Variants in TTC23L observed in about 807,000 individuals in gnomAD.
The protein encoded by TTC23L is tetratricopeptide repeat domain 23 like.
A neutral mutation model predicts 48.1 loss-of-function variants in TTC23L; 42 were observed. The ratio of observed to expected loss-of-function variants is 0.87; its 90% CI spans 0.68 to 1.13. TTC23L has a LOEUF of 1.13. Among genes scored for constraint, TTC23L ranks in the 50% most tolerant of loss-of-function variants. The probability of loss-of-function intolerance (pLI) is 0.00; values close to 1 mark genes in which losing one functional copy is unlikely to be tolerated. For synonymous variants in TTC23L, 159 were observed against 157.2 expected, an observed-to-expected ratio of 1.01 and a Z score of -0.09; for missense variants, 391 against 421.0, an observed-to-expected ratio of 0.93 and a Z score of 0.62.
At chr5:34,899,457 TA>T, downstream of TTC23L, 1 of 152,768 alleles carries the variant, frequency 6.5e-6, no homozygotes, top group South Asian at 2.1e-4. Context: ...TTGTTGATGA[TA>T]AAAATTCTCG....
the TTC23L span, chr5:34,914,841 C>A: frequency 1.2e-6 from 2 of 1,614,052 alleles, no homozygotes; most frequent in Admixed American, 3.3e-5. Flanking sequence ...AGGCTGGCCA[C>A]AAGGCTGTAC....
At chr5:34,919,805 A>C in the TTC23L span, 1 of 719,048 alleles carries the variant, frequency 1.4e-6, no homozygotes, top group Non-Finnish European at 2.2e-6. Flanking sequence ...AATCACCTTT[A>C]ATTTACTTGC....
intron 9 of TTC23L, among the ~76,000 whole-genome samples, chr5:34,881,618 G>GT (rs927883255): frequency 6.6e-6 from 1 of 151,934 alleles, no homozygotes; most frequent in Admixed American, 6.6e-5. Flanking sequence ...ATGAAGAACA[G>GT]TTTTTTTTAT....
the TTC23L span, chr5:34,911,663 T>C: frequency 1.9e-6 from 3 of 1,614,058 alleles, no homozygotes; most frequent in African/African-American, 4.0e-5. Context: ...ATTTTATTAA[T>C]AACATTGGTG....
intron 9 of TTC23L, among the ~76,000 whole-genome samples, chr5:34,889,071 A>G (rs887338399): frequency 1.3e-5 from 2 of 152,186 alleles, no homozygotes; most frequent in African/African-American, 4.8e-5. Context: ...GACGTTATCA[A>G]TGACGCTTAT....
chr5:34,875,785 C>A (rs1163107759), intron 8 of TTC23L, among the ~76,000 whole-genome samples: 2 of 152,126 alleles, frequency 1.3e-5, no homozygotes, highest in African/African-American at 4.8e-5. Flanking sequence ...CATCAATCAA[C>A]TTAATAAAAT....
rs151261462 is a variant in TTC23L, at chr5:34,842,644, C to T, written c.68+1905C>T. ...AGTCCAGAGTAGGCTTGCAAGACTT[C>T]ATTCCTCAAACAACAGGCTCTAGAT... On this transcript the variant is annotated intron_variant, in intron 2 of 10. Coordinates refer to ENST00000505624, the Ensembl canonical transcript of TTC23L. 5.5e-3 allele frequency among the ~76,000 whole-genome samples: 830 copies of T among 152,284 alleles called. 4 individuals carry two copies. The highest frequency in any genetic ancestry group is 9.6e-3 in the Non-Finnish European group (652 of 68,014).
At chr5:34,914,679 G>C in the TTC23L span, 2 of 1,613,180 alleles carry the variant, frequency 1.2e-6, no homozygotes, top group South Asian at 2.2e-5. Flanking sequence ...AGGCTTAAAG[G>C]CGCCTACTTC....
the TTC23L span, chr5:34,914,902 C>T: frequency 3.1e-6 from 5 of 1,613,756 alleles, no homozygotes; most frequent in Admixed American, 3.3e-5. Flanking sequence ...TCGTCCACTG[C>T]GCATTCGGCC....
intron 9 of TTC23L, among the ~76,000 whole-genome samples, chr5:34,887,790 T>C (rs781416331): frequency 2.0e-5 from 3 of 152,156 alleles, no homozygotes; most frequent in Admixed American, 6.5e-5. Flanking sequence ...TCTGAAGAAA[T>C]TATGATTGGA....
intron 2 of TTC23L, 87 bp from the exon 3 acceptor site, chr5:34,845,400 T>G: frequency 7.4e-7 from 1 of 1,343,900 alleles, no homozygotes; most frequent in Non-Finnish European, 1.0e-6. Flanking sequence ...CCCTATCCCC[T>G]AGTTGGGAGA....
At chr5:34,915,615 G>A in the TTC23L span, 2 of 1,237,342 alleles carry the variant, frequency 1.6e-6, no homozygotes, top group African/African-American at 1.5e-5. Flanking sequence ...ACCGGAAGGA[G>A]GCGGCACAGA....
the TTC23L span, chr5:34,908,855 T>C: frequency 6.2e-7 from 1 of 1,611,816 alleles, no homozygotes. Context: ...TCATATACTG[T>C]AATGAAAGGA....
chr5:34,869,806 A>G (rs979797768), intron 8 of TTC23L: 3 of 152,186 alleles, frequency 2.0e-5, no homozygotes, highest in African/African-American at 7.2e-5. Context: ...CAATGCTTGT[A>G]TTCCCCATGT....
chr5:34,874,925 T>C (rs1048560126), intron 8 of TTC23L, among the ~76,000 whole-genome samples: 1 of 152,108 alleles, frequency 6.6e-6, no homozygotes, highest in Non-Finnish European at 1.5e-5. Flanking sequence ...TTCAGAGTGA[T>C]CAAAAAACAA....
At chr5:34,898,744 A>C (rs2111885354) in intron 10 of TTC23L, among the ~76,000 whole-genome samples, 1 of 152,326 alleles carries the variant, frequency 6.6e-6, no homozygotes, top group East Asian at 1.9e-4. Flanking sequence ...AAGTTCATAA[A>C]ATTTTGTATT....
rs185490973 is a variant in TTC23L, at chr5:34,882,790, A to G, written c.1077+2482A>G. On this transcript the variant is annotated intron_variant, in intron 9 of 10. Transcript: ENST00000505624. ...TATGGAGACTCACACCTGTAATCCC[A>G]GCACTTTGCGAGGCCGAGGCAGGAG... is the stretch of plus-strand genomic sequence containing the variant. Among the ~76,000 whole-genome samples, 8 of 152,332 alleles carry G rather than the reference A, an allele frequency of 5.3e-5. No individual in the cohort carries two copies. In the East Asian group the frequency reaches 1.5e-3, roughly 29 times the overall value.
At chr5:34,922,984 T>G in the TTC23L span, 1 of 1,491,106 alleles carries the variant, frequency 6.7e-7, no homozygotes, top group Non-Finnish European at 9.3e-7. Flanking sequence ...AATAATATGC[T>G]TACCTTATTT....
At chr5:34,884,316 G>A (rs565030985) in intron 9 of TTC23L, among the ~76,000 whole-genome samples, 3 of 152,236 alleles carry the variant, frequency 2.0e-5, no homozygotes, top group African/African-American at 7.2e-5. Context: ...CATACTTAAT[G>A]GTGAAAAACT....
Sources: allele counts gnomAD v4.1 joint callset (sites outside exome capture counted in the v4.1 genomes callset), GRCh38; gene constraint gnomAD v4.1.1; transcripts MANE v1.5; gene names NCBI Gene and HGNC (gene_info 2026-07-23, HGNC 2026-07-21).